CEP128: variants seen among roughly 807,000 people sequenced by gnomAD.
CEP128 encodes centrosomal protein 128kDa.
CEP128 carries 132 observed loss-of-function variants against 156.7 expected under a neutral mutation model. The ratio of observed to expected loss-of-function variants is 0.84; its 90% confidence interval spans 0.73 to 0.97. The LOEUF (loss-of-function observed/expected upper bound fraction) is 0.97. CEP128 is among the 50% of genes least tolerant of loss of function. CEP128 has a pLI of 0.00. For synonymous variants in CEP128, 469 were observed against 448.9 expected, an observed-to-expected ratio of 1.04 and a Z score of -0.57; for missense variants, 1,252 against 1,281.9, an observed-to-expected ratio of 0.98 and a Z score of 0.36.
intron 21 of CEP128, among the ~76,000 whole-genome samples, chr14:80,534,518 A>G (rs1204490842): frequency 6.6e-6 from 1 of 152,178 alleles, no homozygotes; most frequent in Non-Finnish European, 1.5e-5. Flanking sequence ...AAGGGCATGG[A>G]CAAGTCCCCA....
chr14:80,683,093 C>A (rs1396140429), intron 19 of CEP128, among the ~76,000 whole-genome samples: 1 of 152,076 alleles, frequency 6.6e-6, no homozygotes, highest in Non-Finnish European at 1.5e-5. Context: ...ATCCAGCTAA[C>A]AACTTCACAA....
intron 24 of CEP128, among the ~76,000 whole-genome samples, chr14:80,501,424 A>G (rs1566742214): frequency 1.3e-5 from 2 of 152,154 alleles, no homozygotes; most frequent in Non-Finnish European, 2.9e-5. Flanking sequence ...TTTCAACTAG[A>G]ATTTTATATA....
chr14:80,668,098 T>C (rs1313296731), intron 19 of CEP128, among the ~76,000 whole-genome samples: 1 of 152,168 alleles, frequency 6.6e-6, no homozygotes, highest in Non-Finnish European at 1.5e-5. Context: ...AGTAACACAC[T>C]TATTCCTTGC....
intron 19 of CEP128, among the ~76,000 whole-genome samples, chr14:80,630,561 C>T (rs1893918712): frequency 6.6e-6 from 1 of 151,858 alleles, no homozygotes; most frequent in Non-Finnish European, 1.5e-5. Flanking sequence ...GAAATTAAGT[C>T]ATATGGAAAA....
intron 19 of CEP128, among the ~76,000 whole-genome samples, chr14:80,742,046 T>G (rs2139592440): frequency 6.6e-6 from 1 of 152,278 alleles, no homozygotes; most frequent in South Asian, 2.1e-4. Flanking sequence ...GTTGCTTATA[T>G]TTCTAGTAAT....
At chr14:80,861,086 C>T (rs763570706) in intron 9 of CEP128, among the ~76,000 whole-genome samples, 1 of 151,772 alleles carries the variant, frequency 6.6e-6, no homozygotes, top group African/African-American at 2.4e-5. Context: ...CATGAGTGCA[C>T]ATAACAAAAA....
chr14:80,843,556 C>A (rs1310561565), intron 9 of CEP128, among the ~76,000 whole-genome samples: 8 of 152,048 alleles, frequency 5.3e-5, no homozygotes, highest in African/African-American at 1.9e-4. Flanking sequence ...AAAGTTATAT[C>A]ACTGAAAACT....
intron 13 of CEP128, among the ~76,000 whole-genome samples, chr14:80,799,717 T>C (rs1883722743): frequency 6.6e-6 from 1 of 152,082 alleles, no homozygotes. Flanking sequence ...GAATGAGATA[T>C]GCCCTGGTCT....
intron 21 of CEP128, among the ~76,000 whole-genome samples, chr14:80,531,559 G>A (rs1181300173): frequency 6.6e-6 from 1 of 152,134 alleles, no homozygotes; most frequent in Non-Finnish European, 1.5e-5. Flanking sequence ...AAGTTAAATG[G>A]TAAAATAATC....
intron 21 of CEP128, among the ~76,000 whole-genome samples, chr14:80,536,360 TGTTTTGAG>T (rs1234143531): frequency 1.3e-5 from 2 of 152,230 alleles, no homozygotes; most frequent in East Asian, 3.8e-4. Context: ...AAATCATATG[TGTTTTGAG>T]GTTTAGATGA....
At chr14:80,586,285 C>G (rs1434271122) in intron 19 of CEP128, among the ~76,000 whole-genome samples, 2 of 152,176 alleles carry the variant, frequency 1.3e-5, no homozygotes, top group Non-Finnish European at 2.9e-5. Flanking sequence ...TGGGCAGACC[C>G]CTGTGGTGGC....
chr14:80,953,011 C>T (rs1886497488), intron 2 of CEP128, among the ~76,000 whole-genome samples: 1 of 152,080 alleles, frequency 6.6e-6, no homozygotes, highest in Non-Finnish European at 1.5e-5. Context: ...AGTTAAAAAC[C>T]TTCCAATAAG....
chr14:80,716,615 G>C (rs1056943198), intron 19 of CEP128, among the ~76,000 whole-genome samples: 7 of 152,204 alleles, frequency 4.6e-5, no homozygotes, highest in African/African-American at 1.4e-4. Context: ...TCCACTGTAT[G>C]ACTATACCAT....
intron 12 of CEP128, among the ~76,000 whole-genome samples, chr14:80,834,555 A>C (rs1279453910): frequency 6.6e-6 from 1 of 152,188 alleles, no homozygotes; most frequent in African/African-American, 2.4e-5. Flanking sequence ...TACAATTGTT[A>C]AACGGTGAAG....
chr14:80,681,650 G>A (rs576581563), intron 19 of CEP128, among the ~76,000 whole-genome samples: 48 of 152,292 alleles, frequency 3.2e-4, no homozygotes, highest in Middle Eastern at 3.4e-3. Flanking sequence ...TTCCTCTTCT[G>A]GCATTCATTC....
intron 13 of CEP128, among the ~76,000 whole-genome samples, chr14:80,812,835 T>C (rs1276568027): frequency 6.6e-6 from 1 of 152,198 alleles, no homozygotes; most frequent in Non-Finnish European, 1.5e-5. Context: ...AGTGCTGGGA[T>C]TACAAGCGTG....
intron 19 of CEP128, among the ~76,000 whole-genome samples, chr14:80,630,891 G>A (rs187971756): frequency 1.3e-3 from 192 of 152,040 alleles, no homozygotes; most frequent in Non-Finnish European, 2.2e-3. Context: ...ACTTACAAAC[G>A]CTGTCAAAAT....
At chr14:80,596,890 A>G (rs956126760) in intron 19 of CEP128, among the ~76,000 whole-genome samples, 1 of 150,864 alleles carries the variant, frequency 6.6e-6, no homozygotes, top group African/African-American at 2.4e-5. Flanking sequence ...AAAATGTCAT[A>G]TATCAAAATT....
At chr14:80,758,550 G>T (rs965766419) in intron 17 of CEP128, among the ~76,000 whole-genome samples, 2 of 148,460 alleles carry the variant, frequency 1.3e-5, no homozygotes, top group Non-Finnish European at 3.0e-5. Flanking sequence ...ACCATTTAAC[G>T]AACGGTGTCA....
Sources: allele counts gnomAD v4.1 joint callset (sites outside exome capture counted in the v4.1 genomes callset), GRCh38; gene constraint gnomAD v4.1.1; transcripts MANE v1.5; gene names NCBI Gene and HGNC (gene_info 2026-07-23, HGNC 2026-07-21).